The following CCDC171 variants were observed in gnomAD, a reference collection of about 807,000 sequenced individuals.
CCDC171 encodes the protein coiled-coil domain-containing protein 171.
A neutral mutation model predicts 168.2 loss-of-function variants in CCDC171; 177 were observed. The ratio of observed to expected loss-of-function variants is 1.05; its 90% CI spans 0.93 to 1.19. The LOEUF (loss-of-function observed/expected upper bound fraction) is 1.19, where lower values mean the gene tolerates loss of function less well. Among genes scored for constraint, CCDC171 ranks in the 50% most tolerant of loss-of-function variants. The probability of loss-of-function intolerance (pLI) is 0.00; values close to 1 mark genes in which losing one functional copy is unlikely to be tolerated. For synonymous variants in CCDC171, 687 were observed against 540.8 expected (o/e 1.27, Z -3.75); for missense variants, 1,991 against 1,539.0 (o/e 1.29, Z -4.91).
chr9:15,823,289 C>T (rs1042407668), intron 21 of CCDC171, among the ~76,000 whole-genome samples: 1 of 151,786 alleles, frequency 6.6e-6, no homozygotes, highest in African/African-American at 2.4e-5. Context: ...CAAACCTTCA[C>T]GTTGTGCACT....
chr9:15,997,855 C>T (rs1038144086), intron 3 of CCDC171, among the ~76,000 whole-genome samples: 10 of 152,150 alleles, frequency 6.6e-5, no homozygotes, highest in African/African-American at 1.9e-4. Flanking sequence ...AGGTTTAACA[C>T]GTATCCTTCC....
At chr9:16,029,917 CT>C (rs1271958670) in intron 6 of CCDC171, among the ~76,000 whole-genome samples, 11 of 152,274 alleles carry the variant, frequency 7.2e-5, no homozygotes, top group African/African-American at 2.4e-4. Flanking sequence ...AGTTTATAAA[CT>C]GGAATTTATT....
At chr9:15,598,821 ATCTGGGTGCTC>A (rs1419474146) in intron 6 of CCDC171, among the ~76,000 whole-genome samples, 1 of 152,050 alleles carries the variant, frequency 6.6e-6, no homozygotes, top group Non-Finnish European at 1.5e-5. Flanking sequence ...TCCTTTATGA[ATCTGGGTGCTC>A]CTGTATTGGG....
chr9:15,601,608 G>A (rs980438945), intron 6 of CCDC171, among the ~76,000 whole-genome samples: 2 of 152,146 alleles, frequency 1.3e-5, no homozygotes, highest in African/African-American at 4.8e-5. Flanking sequence ...TTCTGTCCTC[G>A]AAGATATTTC....
In CCDC171 at chr9:15,778,643, C is replaced by CAAA. The variant is rs527592822; in HGVS notation, c.2899-305_2899-303dup. Among the ~76,000 whole-genome samples, 500 of 57,816 alleles carry CAAA rather than the reference C, an allele frequency of 8.6e-3. 27 individuals carry two copies. The highest frequency in any genetic ancestry group is 0.055 in the South Asian group (53 of 960). 37.9% of individuals were successfully genotyped at this position (57,816 alleles called of 152,430 possible). A position where few individuals can be genotyped will look rare whatever the true frequency, so the allele number is the denominator to read the frequency against. ...CCTGGCCTACAGAGTAAGACTGTCT[C>CAAA]AAAAAAAAAAAAAAAAAAAAAAGGC... is the stretch of plus-strand genomic sequence containing the variant. On this transcript the variant is annotated intron_variant, in intron 19 of 25. Transcript: ENST00000380701.
intron 18 of CCDC171, among the ~76,000 whole-genome samples, chr9:15,762,142 T>C (rs949210245): frequency 6.7e-6 from 1 of 149,912 alleles, no homozygotes; most frequent in Non-Finnish European, 1.5e-5. Context: ...GGGCAACTTC[T>C]AAGAGCCTGA....
downstream of CCDC171, among the ~76,000 whole-genome samples, chr9:16,066,444 T>G (rs1302446967): frequency 6.7e-6 from 1 of 149,060 alleles, no homozygotes; most frequent in Non-Finnish European, 1.5e-5. Context: ...CTGTGTTTTC[T>G]TCCTCTTTTT....
intron 11 of CCDC171, among the ~76,000 whole-genome samples, chr9:15,701,030 G>C (rs2051689838): frequency 6.6e-6 from 1 of 152,124 alleles, no homozygotes; most frequent in Middle Eastern, 3.4e-3. Context: ...CCATTAGTAT[G>C]TCTTCTTTTG....
In CCDC171 at chr9:15,657,236, T is replaced by G. The variant is rs763948376; in HGVS notation, c.915+17T>G. 1 of 1,504,228 alleles carries G rather than the reference T, an allele frequency of 6.6e-7. No homozygotes were observed. The highest frequency in any genetic ancestry group is 9.2e-7 in the Non-Finnish European group (1 of 1,084,198). 93.2% of individuals were successfully genotyped at this position (1,504,228 alleles called of 1,614,324 possible). A position where few individuals can be genotyped will look rare whatever the true frequency, so the allele number is the denominator to read the frequency against. ...ATTATTCAGGTAAAATGTAAACAAA[T>G]ATTTTGGCCTGCATTTTCTTAATTT... On this transcript the variant is annotated intron_variant, in intron 8 of 25. Coordinates refer to ENST00000380701, the MANE Select transcript of CCDC171 (RefSeq NM_173550.4).
intron 5 of CCDC171, among the ~76,000 whole-genome samples, chr9:15,592,909 C>T (rs889258504): frequency 6.6e-6 from 1 of 151,810 alleles, no homozygotes; most frequent in South Asian, 2.1e-4. Flanking sequence ...CTTTAGGGTA[C>T]ATGTGCACAA....
chr9:15,938,724 G>A (rs1420063125), intron 25 of CCDC171, among the ~76,000 whole-genome samples: 3 of 151,804 alleles, frequency 2.0e-5, no homozygotes, highest in African/African-American at 7.2e-5. Context: ...TCTGAATTCA[G>A]CTTATTCTTT....
At chr9:15,912,339 GCTCT>G (rs1253738618) in intron 24 of CCDC171, among the ~76,000 whole-genome samples, 1 of 151,996 alleles carries the variant, frequency 6.6e-6, no homozygotes, top group African/African-American at 2.4e-5. Flanking sequence ...TCATTATTTG[GCTCT>G]CTGTTTGTCT....
chr9:15,583,934 C>T (rs886924750), intron 4 of CCDC171, among the ~76,000 whole-genome samples: 67 of 152,044 alleles, frequency 4.4e-4, no homozygotes, highest in African/African-American at 1.5e-3. Context: ...GTGGTGCGAT[C>T]TCGGCTCACT....
At chr9:15,904,909 T>C (rs1387700930) in intron 24 of CCDC171, among the ~76,000 whole-genome samples, 1 of 150,718 alleles carries the variant, frequency 6.6e-6, no homozygotes. Flanking sequence ...CCAACAAAGA[T>C]CAAAAGAGAC....
intron 6 of CCDC171, among the ~76,000 whole-genome samples, chr9:15,612,633 T>G (rs2043783873): frequency 6.6e-6 from 1 of 152,206 alleles, no homozygotes; most frequent in Admixed American, 6.5e-5. Context: ...CCCCTGTTCT[T>G]GAGTTTTGAC....
upstream of CCDC171, among the ~76,000 whole-genome samples, chr9:16,041,860 A>C (rs1456927719): frequency 2.0e-5 from 3 of 152,188 alleles, no homozygotes; most frequent in African/African-American, 4.8e-5. Context: ...AATTTTGGAG[A>C]AAAAATTTGG....
At chr9:16,074,197 T>A in the CCDC171 span, among the ~76,000 whole-genome samples, 5 of 152,314 alleles carry the variant, frequency 3.3e-5, no homozygotes, top group African/African-American at 1.2e-4. Flanking sequence ...TAAACCTTGC[T>A]TCTTGTTGGT....
At chr9:15,866,368 T>C (rs900720349) in intron 23 of CCDC171, among the ~76,000 whole-genome samples, 1 of 151,830 alleles carries the variant, frequency 6.6e-6, no homozygotes, top group African/African-American at 2.4e-5. Context: ...AGATGGGGGC[T>C]CAGAAGGGTT....
intron 9 of CCDC171, among the ~76,000 whole-genome samples, chr9:15,676,077 A>G (rs922470525): frequency 1.0e-4 from 15 of 150,608 alleles, no homozygotes; most frequent in African/African-American, 3.7e-4. Context: ...ATTTCTTTTT[A>G]CTCTTTTTTT....
Sources: gnomAD v4.1 joint callset for allele counts (sites outside exome capture counted in the v4.1 genomes callset) on GRCh38, gnomAD v4.1.1 for gene constraint, MANE v1.5 for transcripts, NCBI Gene and HGNC (gene_info 2026-07-23, HGNC 2026-07-21) for gene names.